The following SLC25A26 variants were observed in gnomAD, a reference collection of about 807,000 sequenced individuals.
SLC25A26 encodes the protein mitochondrial S-adenosylmethionine carrier protein.
A neutral mutation model predicts 37.8 loss-of-function variants in SLC25A26; 36 were observed. That is an observed-to-expected ratio of 0.95 (90% CI 0.73 to 1.26). The LOEUF (loss-of-function observed/expected upper bound fraction) is 1.26, where lower values mean the gene tolerates loss of function less well. Among genes scored for constraint, SLC25A26 ranks in the 50% most tolerant of loss-of-function variants. The pLI, the probability that SLC25A26 is intolerant of heterozygous loss-of-function variation, is 0.00. For missense variants in SLC25A26, 390 were observed against 331.1 expected, an observed-to-expected ratio of 1.18 and a Z score of -1.38; for synonymous variants, 129 against 122.5, an observed-to-expected ratio of 1.05 and a Z score of -0.35.
intron 1 of SLC25A26, among the ~76,000 whole-genome samples, chr3:66,195,182 A>G (rs1401860912): frequency 6.6e-6 from 1 of 152,214 alleles, no homozygotes; most frequent in Non-Finnish European, 1.5e-5. Flanking sequence ...CAAAGTTTTC[A>G]GAGAGTAGCC....
chr3:66,289,917 C>T (rs2074647350), intron 5 of SLC25A26, among the ~76,000 whole-genome samples: 1 of 152,120 alleles, frequency 6.6e-6, no homozygotes, highest in Non-Finnish European at 1.5e-5. Context: ...GCAGTATGGC[C>T]ATTTTCACGT....
intron 3 of SLC25A26, among the ~76,000 whole-genome samples, chr3:66,260,759 T>C (rs2073497378): frequency 6.6e-6 from 1 of 152,218 alleles, no homozygotes; most frequent in South Asian, 2.1e-4. Flanking sequence ...TATAGTTTTA[T>C]TGGAACATAG....
At chr3:66,196,820 T>G (rs2071050593) in intron 1 of SLC25A26, among the ~76,000 whole-genome samples, 1 of 152,168 alleles carries the variant, frequency 6.6e-6, no homozygotes, top group African/African-American at 2.4e-5. Flanking sequence ...TTTCTTTTTC[T>G]GTAGACATAA....
rs9830590 is a variant in SLC25A26 at position 66,262,415 on chromosome 3, G to A, written c.405+260G>A. ...TCCTGCAGTTCTTCTGGAATCAGAT[G>A]TGAAACAAATTTTAAATATGTAAAA... On this transcript the variant is annotated intron_variant, in intron 4 of 9. Transcript: ENST00000354883. Among the ~76,000 whole-genome samples the A allele has an allele frequency of 0.013, 1,950 of 152,254 alleles. 46 individuals are homozygous for A. The highest frequency in any genetic ancestry group is 0.044 in the African/African-American group (1,811 of 41,532).
chr3:66,296,098 C>T (rs565692905), intron 5 of SLC25A26, among the ~76,000 whole-genome samples: 53 of 152,022 alleles, frequency 3.5e-4, no homozygotes, highest in African/African-American at 1.2e-3. Context: ...GCCTGGGTGG[C>T]AGAGCAAGAC....
chr3:66,291,534 T>G (rs191977347), intron 5 of SLC25A26, among the ~76,000 whole-genome samples: 4 of 152,336 alleles, frequency 2.6e-5, no homozygotes, highest in African/African-American at 7.2e-5. Context: ...AAAGAACTTA[T>G]TTATTTCTCC....
chr3:66,209,898 T>TTATATATACATATA (rs2071257162), intron 1 of SLC25A26, among the ~76,000 whole-genome samples: 1 of 38,608 alleles, frequency 2.6e-5, no homozygotes, highest in Non-Finnish European at 5.0e-5. Context: ...CTCTCTCTAT[T>TTATATATACATATA]TATATATATA....
At chr3:66,204,777 G>C (rs1454431975) in intron 1 of SLC25A26, among the ~76,000 whole-genome samples, 1 of 152,202 alleles carries the variant, frequency 6.6e-6, no homozygotes, top group Non-Finnish European at 1.5e-5. Context: ...TTCAGTGATA[G>C]ATTATCAATG....
chr3:66,166,440 G>C (rs1477271481), intron 1 of SLC25A26, among the ~76,000 whole-genome samples: 2 of 152,106 alleles, frequency 1.3e-5, no homozygotes, highest in Non-Finnish European at 2.9e-5. Context: ...CCCTAAATAA[G>C]ACAGACTCTC....
chr3:66,326,499 A>G (rs1157588321), intron 5 of SLC25A26, among the ~76,000 whole-genome samples: 1 of 152,216 alleles, frequency 6.6e-6, no homozygotes, highest in African/African-American at 2.4e-5. Flanking sequence ...CTCCTGGGCC[A>G]GAATTGCAGC....
At chr3:66,257,592 T>A (rs1375630113) in intron 3 of SLC25A26, among the ~76,000 whole-genome samples, 1 of 152,170 alleles carries the variant, frequency 6.6e-6, no homozygotes, top group African/African-American at 2.4e-5. Context: ...GGCCTCTGAC[T>A]CTACCTTTTT....
intron 1 of SLC25A26, among the ~76,000 whole-genome samples, chr3:66,190,472 A>T (rs1448008413): frequency 6.6e-6 from 1 of 152,196 alleles, no homozygotes; most frequent in Non-Finnish European, 1.5e-5. Context: ...TCCGTCACCC[A>T]GGCTAGAGTG....
chr3:66,335,754 G>GC lies in SLC25A26; in HGVS notation c.454-10606dup, dbSNP rs564479962. Among the ~76,000 whole-genome samples the GC allele has an allele frequency of 1.1e-3, 163 of 152,134 alleles. 1 individual carries two copies. The highest frequency in any genetic ancestry group is 2.0e-3 in the Non-Finnish European group (139 of 68,018). On this transcript the variant is annotated intron_variant, in intron 5 of 9. Transcript: ENST00000354883. ...TTACTGTCTTCTCTTCTATTCCTCA[G>GC]CCCCTTCTGTCTTCCGACCATACAG...
At chr3:66,137,217 CTT>C (rs528438794) in intron 1 of SLC25A26, among the ~76,000 whole-genome samples, 80 of 118,842 alleles carry the variant, frequency 6.7e-4, no homozygotes, top group South Asian at 1.1e-3. Context: ...GATTTTCTTT[CTT>C]TTTTTTTTTT....
chr3:66,167,258 G>A (rs1471021488), intron 1 of SLC25A26, among the ~76,000 whole-genome samples: 3 of 150,646 alleles, frequency 2.0e-5, no homozygotes, highest in East Asian at 1.9e-4. Context: ...CTTTCCACAC[G>A]ATCTGACGTC....
chr3:66,209,070 A>ATATATG (rs2071231288), intron 1 of SLC25A26, among the ~76,000 whole-genome samples: 1 of 7,034 alleles, frequency 1.4e-4, no homozygotes, highest in African/African-American at 4.4e-4. Context: ...ATATATACAC[A>ATATATG]CACACACCCA....
chr3:66,237,156 G>T (rs1372409709), intron 2 of SLC25A26, among the ~76,000 whole-genome samples: 1 of 151,952 alleles, frequency 6.6e-6, no homozygotes, highest in Non-Finnish European at 1.5e-5. Flanking sequence ...CATTATTTTT[G>T]AATCAGATAG....
At chr3:66,350,437 T>G (rs751901799) in intron 6 of SLC25A26, among the ~76,000 whole-genome samples, 6 of 152,214 alleles carry the variant, frequency 3.9e-5, no homozygotes, top group Non-Finnish European at 5.9e-5. Context: ...CAAATTTTGT[T>G]GACTTCACTG....
At chr3:66,146,287 C>A (rs2070113814) in intron 1 of SLC25A26, among the ~76,000 whole-genome samples, 1 of 151,498 alleles carries the variant, frequency 6.6e-6, no homozygotes, top group South Asian at 2.1e-4. Context: ...TTGCAGTGAG[C>A]CAAGGTCACT....
Sources: allele counts gnomAD v4.1 joint callset (sites outside exome capture counted in the v4.1 genomes callset), GRCh38; gene constraint gnomAD v4.1.1; transcripts MANE v1.5; gene names NCBI Gene and HGNC (gene_info 2026-07-23, HGNC 2026-07-21).